PNPT1: variants seen among roughly 807,000 people sequenced by gnomAD.
The protein encoded by PNPT1 is polyribonucleotide nucleotidyltransferase 1, mitochondrial.
A neutral mutation model predicts 119.5 loss-of-function variants in PNPT1; 53 were observed. The ratio of observed to expected loss-of-function variants is 0.44; its 90% CI spans 0.36 to 0.56. The LOEUF (loss-of-function observed/expected upper bound fraction) is 0.56, where lower values mean the gene tolerates loss of function less well. Among genes scored for constraint, PNPT1 ranks in the 20% least tolerant of loss-of-function variants. The pLI is 0.00. For missense variants in PNPT1, 948 were observed against 938.5 expected, an observed-to-expected ratio of 1.01 and a Z score of -0.13; for synonymous variants, 357 against 322.1, an observed-to-expected ratio of 1.11 and a Z score of -1.16.
chr2:55,692,191 T>C (rs940129665), intron 1 of PNPT1, among the ~76,000 whole-genome samples: 1 of 152,024 alleles, frequency 6.6e-6, no homozygotes, highest in Non-Finnish European at 1.5e-5. Flanking sequence ...GGCCGTTTTT[T>C]AAAATATTTC....
chr2:55,678,259 A>T (rs1235544946), intron 8 of PNPT1, among the ~76,000 whole-genome samples: 1 of 152,222 alleles, frequency 6.6e-6, no homozygotes, highest in Non-Finnish European at 1.5e-5. Flanking sequence ...GAGATGCTCA[A>T]ACATGAGGTA....
chr2:55,642,383 G>A (rs1695858775), intron 25 of PNPT1, among the ~76,000 whole-genome samples: 1 of 151,802 alleles, frequency 6.6e-6, no homozygotes, highest in Middle Eastern at 3.4e-3. Flanking sequence ...GAGGGGGGCG[G>A]ATCACAAGGT....
chr2:55,673,241 T>C (rs1696968910), intron 8 of PNPT1, among the ~76,000 whole-genome samples, 162 bp from the exon 9 acceptor site: 1 of 152,024 alleles, frequency 6.6e-6, no homozygotes, highest in Non-Finnish European at 1.5e-5. Flanking sequence ...ACTTCCAAAA[T>C]GTAAGCAGCG....
Position 55,686,388 on chromosome 2 carries a change from G to T in PNPT1, c.279C>A (p.Ser93=). ...TACTTACCACCAAAGGCATAAACTGGGAAGGGGAAGGTTTTGTTTTACTGA... is the reference window on the plus strand; with the variant it reads ...TACTTACCACCAAAGGCATAAACTGTGAAGGGGAAGGTTTTGTTTTACTGA... ...TAVSKTKPSP[S]QFMPLVVDYR... is the part of the protein sequence containing the mutation. Residue 93 remains serine, a synonymous_variant, in exon 3 of 28, where the codon TCC becomes TCA. Transcript: ENST00000447944. 1 of 1,613,308 alleles carries T rather than the reference G, an allele frequency of 6.2e-7. No homozygotes were observed. Among genetic ancestry groups the T allele is most frequent in the Non-Finnish European group, 8.5e-7 (1 of 1,179,332 alleles).
At chr2:55,659,905 C>A (rs1696509825) in intron 15 of PNPT1, among the ~76,000 whole-genome samples, 1 of 152,002 alleles carries the variant, frequency 6.6e-6, no homozygotes, top group Non-Finnish European at 1.5e-5. Context: ...ATAAAATGTT[C>A]CAGCCTGAGC....
In PNPT1 at chr2:55,687,712, A is replaced by C; in HGVS notation, c.162-7T>G. The C allele has an allele frequency of 6.3e-7, 1 of 1,593,828 alleles. No individual in the cohort carries two copies. Among genetic ancestry groups the C allele is most frequent in the Non-Finnish European group, 8.5e-7 (1 of 1,170,498 alleles). On this transcript the variant is annotated splice_polypyrimidine_tract_variant and splice_region_variant and intron_variant, in intron 1 of 27. Transcript: ENST00000447944. ...AGAAGATATTTCTAATTTCCTGTTT[A>C]AAAATAAAAATGCAATACAAGAAGA...
chr2:55,670,118 AC>A (rs779704433), intron 11 of PNPT1, among the ~76,000 whole-genome samples: 34 of 151,924 alleles, frequency 2.2e-4, no homozygotes, highest in Non-Finnish European at 4.9e-4. Flanking sequence ...AGAAAAATTA[AC>A]AAAAACTATG....
chr2:55,686,349 G>C, intron 3 of PNPT1, 21 bp downstream of exon 3: 4 of 1,587,058 alleles, frequency 2.5e-6, no homozygotes, highest in Non-Finnish European at 3.5e-6. Flanking sequence ...TTACAGTTCA[G>C]ATAAATCAGC....
At chr2:55,688,524 A>G (rs1356227172) in intron 1 of PNPT1, among the ~76,000 whole-genome samples, 3 of 151,992 alleles carry the variant, frequency 2.0e-5, no homozygotes, top group African/African-American at 7.2e-5. Context: ...CAGGAGTTCA[A>G]GACCAGCCTG....
intron 11 of PNPT1, among the ~76,000 whole-genome samples, chr2:55,669,039 C>T (rs528542327): frequency 6.6e-6 from 1 of 152,230 alleles, no homozygotes; most frequent in East Asian, 1.9e-4. Context: ...CTTTCATGAG[C>T]CAGGCACTTT....
chr2:55,656,723 A>T (rs1185950788), intron 15 of PNPT1, among the ~76,000 whole-genome samples: 1 of 152,160 alleles, frequency 6.6e-6, no homozygotes, highest in Non-Finnish European at 1.5e-5. Context: ...AGAATCACAG[A>T]TTTTTTTCCA....
At chr2:55,648,580 A>G (rs1312340125) in intron 18 of PNPT1, among the ~76,000 whole-genome samples, 7 of 152,200 alleles carry the variant, frequency 4.6e-5, no homozygotes, top group African/African-American at 1.7e-4. Context: ...ACTGAGGTTG[A>G]AAACTATTTC....
intron 5 of PNPT1, among the ~76,000 whole-genome samples, chr2:55,682,403 G>A (rs1697276150): frequency 6.6e-6 from 1 of 152,018 alleles, no homozygotes; most frequent in Admixed American, 6.6e-5. Flanking sequence ...AGAGATTGCA[G>A]TGAGCCGAGA....
chr2:55,646,540 A>G, intron 19 of PNPT1, 54 bp from the exon 20 acceptor site: 1 of 1,410,332 alleles, frequency 7.1e-7, no homozygotes, highest in Non-Finnish European at 9.8e-7. Flanking sequence ...AAAAGTCAAC[A>G]TATTCACTGT....
At chr2:55,691,868 ATATATATATATTTTTTTTTTTT>A (rs1431571654) in intron 1 of PNPT1, among the ~76,000 whole-genome samples, 9 of 42,178 alleles carry the variant, frequency 2.1e-4, no homozygotes, top group Admixed American at 1.3e-3. Flanking sequence ...ATATATATAT[ATATATATATATTTTTTTTTTTT>A]TTTTTTTTTT....
chr2:55,663,931 G>A lies in PNPT1; in HGVS notation c.1177-1905C>T, dbSNP rs1021317632. ...ATGAACCCAGGAGGCGGAGCTTGCCGTGAGCCGAGATCACACCACTGCACT... is the reference window on the plus strand; with the variant it reads ...ATGAACCCAGGAGGCGGAGCTTGCCATGAGCCGAGATCACACCACTGCACT... On this transcript the variant is annotated intron_variant, in intron 13 of 27. Coordinates refer to ENST00000447944, the MANE Select transcript of PNPT1 (RefSeq NM_033109.5). Among the ~76,000 whole-genome samples, 15 of 151,874 alleles carry A rather than the reference G, an allele frequency of 9.9e-5. 2 individuals carry two copies. The highest frequency in any genetic ancestry group is 7.9e-4 in the Admixed American group (12 of 15,244).
At chr2:55,650,881 G>A (rs1183714066) in intron 18 of PNPT1, among the ~76,000 whole-genome samples, 1 of 150,402 alleles carries the variant, frequency 6.6e-6, no homozygotes, top group Non-Finnish European at 1.5e-5. Flanking sequence ...CAGCCACCTC[G>A]TCCGGCAGGG....
intron 18 of PNPT1, among the ~76,000 whole-genome samples, chr2:55,650,018 T>C (rs1000283117): frequency 2.0e-5 from 3 of 152,246 alleles, no homozygotes; most frequent in African/African-American, 7.2e-5. Context: ...GTGGCTTTCT[T>C]GAGGCACTGC....
chr2:55,668,207 T>G (rs1179740332), intron 11 of PNPT1, among the ~76,000 whole-genome samples: 1 of 152,224 alleles, frequency 6.6e-6, no homozygotes, highest in African/African-American at 2.4e-5. Flanking sequence ...AATGACTGAA[T>G]GACAGTGCTT....
Sources: allele counts gnomAD v4.1 joint callset (sites outside exome capture counted in the v4.1 genomes callset), GRCh38; gene constraint gnomAD v4.1.1; transcripts MANE v1.5; gene names NCBI Gene and HGNC (gene_info 2026-07-23, HGNC 2026-07-21).